The following DRAXIN variants were observed in gnomAD, a reference collection of about 807,000 sequenced individuals.
DRAXIN encodes dorsal repulsive axon guidance protein.
In DRAXIN, 27 loss-of-function variants were observed where a neutral mutation model predicts 33.9. The observed-to-expected ratio is 0.80, with a 90% CI of 0.59 to 1.10. DRAXIN has a LOEUF of 1.10. Ranked by LOEUF, DRAXIN falls within the 50% of genes least tolerant of loss-of-function variation. The pLI is 0.00. For synonymous variants in DRAXIN, 178 were observed against 194.0 expected (o/e 0.92, Z 0.69); for missense variants, 371 against 460.8 (o/e 0.81, Z 1.78).
intron 5 of DRAXIN, among the ~76,000 whole-genome samples, chr1:11,714,334 A>T (rs931598617): frequency 6.6e-6 from 1 of 152,262 alleles, no homozygotes; most frequent in Non-Finnish European, 1.5e-5. Flanking sequence ...TGGGCGCTCC[A>T]GTACAGAGGT....
chr1:11,717,661 C>A (rs78836930), intron 6 of DRAXIN, among the ~76,000 whole-genome samples: 47 of 124,122 alleles, frequency 3.8e-4, no homozygotes, highest in African/African-American at 6.8e-4. Flanking sequence ...GACTCCGTCT[C>A]AAAAAAAAAA....
Position 11,706,823 on chromosome 1 carries a change from G to T in DRAXIN, c.451+114G>T. 1 of 1,243,314 alleles carries T rather than the reference G, an allele frequency of 8.0e-7. No homozygotes were observed. Among genetic ancestry groups the T allele is most frequent in the Non-Finnish European group, 1.1e-6 (1 of 927,132 alleles). The allele number at this position is 1,243,314 out of a possible 1,614,324, so 77.0% of individuals were successfully genotyped here. ...GCATGAGGTCCAGAGGAGAGGAGGG[G>T]TCTCACTGAAGCCAGAGGGACCTGG... On this transcript the variant is annotated intron_variant, in intron 2 of 6. Transcript: ENST00000294485. This position sits in a 1 kb window ranked among gnomAD's most constrained non-coding sequence, Gnocchi z 5.5.
intron 5 of DRAXIN, among the ~76,000 whole-genome samples, chr1:11,713,968 G>T (rs1489863089): frequency 2.0e-5 from 3 of 152,126 alleles, no homozygotes; most frequent in Non-Finnish European, 4.4e-5. Flanking sequence ...GGAGGTGGAG[G>T]TTGCAGTGAC....
In DRAXIN at chr1:11,704,425, G is replaced by C. The variant is rs371996605; in HGVS notation, c.-10-1824G>C. Among the ~76,000 whole-genome samples, 4 of 152,128 alleles carry C rather than the reference G, an allele frequency of 2.6e-5. No individual in the cohort carries two copies. The highest frequency in any genetic ancestry group is 2.6e-4 in the Admixed American group (4 of 15,262). On this transcript the variant is annotated intron_variant, in intron 1 of 6. Transcript: ENST00000294485. The surrounding 1 kb of genome is among the most constrained non-coding windows in gnomAD (Gnocchi z 4.6). The stretch of plus-strand genomic sequence containing the variant: ...GAAGCAGGATTGAGGTTCCCTCTGC[G>C]CCGAACAATGCTTGAGTGACAGGCC...
chr1:11,702,198 A>C (rs1314133650), intron 1 of DRAXIN, among the ~76,000 whole-genome samples: 1 of 150,700 alleles, frequency 6.6e-6, no homozygotes, highest in African/African-American at 2.4e-5. Flanking sequence ...ACACATACAC[A>C]CATGCTCACA....
In DRAXIN at chr1:11,719,778, G is replaced by C; in HGVS notation, c.*82G>C. 8.0e-7 allele frequency: 1 copy of C among 1,247,844 alleles called. No homozygotes were observed. The highest frequency in any genetic ancestry group is 1.2e-6 in the Non-Finnish European group (1 of 869,016). 77.3% of individuals were successfully genotyped at this position (1,247,844 alleles called of 1,614,324 possible). ...TTTGTAACTAGCAGTGGGAGATCAA[G>C]TTGGGGAACAGATGGCTGAGGCTGC... On this transcript the variant is annotated 3_prime_UTR_variant, in exon 7 of 7. Transcript: ENST00000294485.
chr1:11,719,198 C>T (rs1201832540), intron 6 of DRAXIN, among the ~76,000 whole-genome samples: 1 of 152,182 alleles, frequency 6.6e-6, no homozygotes, highest in Non-Finnish European at 1.5e-5. Context: ...GCCACCGTGC[C>T]CGGCCTCTCT....
chr1:11,711,846 T>G lies in DRAXIN; in HGVS notation c.643-5T>G. On this transcript the variant is annotated splice_region_variant and splice_polypyrimidine_tract_variant and intron_variant, in intron 3 of 6. Transcript: ENST00000294485. ...TCCAACATCCCCCTTCTCCACGGTCTCCAGCAGGCACAGCCCAGGTCTGAC... is the reference window on the plus strand; with the variant it reads ...TCCAACATCCCCCTTCTCCACGGTCGCCAGCAGGCACAGCCCAGGTCTGAC... 2 of 1,611,160 alleles carry G rather than the reference T, an allele frequency of 1.2e-6. No individual in the cohort carries two copies. The highest frequency in any genetic ancestry group is 1.7e-6 in the Non-Finnish European group (2 of 1,178,538).
intron 1 of DRAXIN, among the ~76,000 whole-genome samples, chr1:11,699,898 G>A (rs1462997606): frequency 6.6e-6 from 1 of 151,670 alleles, no homozygotes; most frequent in Non-Finnish European, 1.5e-5. Context: ...CTGCACTCCA[G>A]CCCGGGTGAC....
At position 11,696,352 on chromosome 1, in the gene DRAXIN, CAG is replaced by C. The variant is rs1415982063; in HGVS notation, c.-11+4502_-11+4503del. On this transcript the variant is annotated intron_variant, in intron 1 of 6. Transcript: ENST00000294485. The surrounding 1 kb of genome is among the most constrained non-coding windows in gnomAD (Gnocchi z 4.7). Reference sequence around the variant, plus strand: ...CCTGTAATCCCAGCACTTTGGGAGACAGAGGCAGGCGGATCATGAGGTCAGGA... The same window carrying C: ...CCTGTAATCCCAGCACTTTGGGAGACAGGCAGGCGGATCATGAGGTCAGGA... 6.6e-6 allele frequency among the ~76,000 whole-genome samples: 1 copy of C among 152,214 alleles called. No individual in the cohort carries two copies. The highest frequency in any genetic ancestry group is 1.5e-5 in the Non-Finnish European group (1 of 68,034).
At chr1:11,697,156 CCTT>C (rs1172593640) in intron 1 of DRAXIN, among the ~76,000 whole-genome samples, 2 of 152,182 alleles carry the variant, frequency 1.3e-5, no homozygotes, top group Non-Finnish European at 2.9e-5. Flanking sequence ...TTGTCTAGCT[CCTT>C]CTGCTTTGCT....
intron 2 of DRAXIN, among the ~76,000 whole-genome samples, chr1:11,707,322 C>T (rs1376388723): frequency 2.0e-5 from 3 of 152,232 alleles, no homozygotes; most frequent in African/African-American, 7.2e-5. Context: ...AACAGTTCAG[C>T]GCCCTCCAAG....
In DRAXIN at chr1:11,706,034, C is replaced by T. The variant is rs1168818983; in HGVS notation, c.-10-215C>T. Among the ~76,000 whole-genome samples the T allele has an allele frequency of 6.6e-6, 1 of 152,114 alleles. No individual in the cohort carries two copies. The highest frequency in any genetic ancestry group is 1.5e-5 in the Non-Finnish European group (1 of 68,014). ...TTTCGGGGGCTGTCCTGTGCATTGTCGGGCGTTTAGCAGCATCCACGGGCT... is the reference window on the plus strand; with the variant it reads ...TTTCGGGGGCTGTCCTGTGCATTGTTGGGCGTTTAGCAGCATCCACGGGCT... On this transcript the variant is annotated intron_variant, in intron 1 of 6. Transcript: ENST00000294485. The surrounding 1 kb of genome is among the most constrained non-coding windows in gnomAD (Gnocchi z 5.5).
At chr1:11,695,737 T>A (rs995898745) in intron 1 of DRAXIN, among the ~76,000 whole-genome samples, 8 of 151,964 alleles carry the variant, frequency 5.3e-5, no homozygotes, top group African/African-American at 1.9e-4. Flanking sequence ...GGTACCAAGA[T>A]AATGAAGTTT....
At chr1:11,697,965 A>T (rs1026640791) in intron 1 of DRAXIN, among the ~76,000 whole-genome samples, 7 of 152,108 alleles carry the variant, frequency 4.6e-5, no homozygotes, top group Admixed American at 4.6e-4. Context: ...ATGCCAGTGA[A>T]CACCCAGCAG....
At position 11,694,647 on chromosome 1, in the gene DRAXIN, C is replaced by CT. The variant is rs1219677404; in HGVS notation, c.-11+2795dup. Among the ~76,000 whole-genome samples, 3 of 151,854 alleles carry CT rather than the reference C, an allele frequency of 2.0e-5. No homozygotes were observed. In the South Asian group the frequency reaches 6.2e-4, roughly 32 times the overall value. ...TTCCCTCAGAGGCATGAGCATGTTC[C>CT]TGGGGGGCAGGTCATAGGAGCACCC... On this transcript the variant is annotated intron_variant, in intron 1 of 6. Transcript: ENST00000294485. The surrounding 1 kb of genome is among the most constrained non-coding windows in gnomAD (Gnocchi z 4.9).
At chr1:11,707,971 G>A (rs1470703114) in intron 2 of DRAXIN, among the ~76,000 whole-genome samples, 1 of 152,234 alleles carries the variant, frequency 6.6e-6, no homozygotes, top group African/African-American at 2.4e-5. Flanking sequence ...TCTTTGGCAG[G>A]AAGGCAATGG....
At chr1:11,711,057 C>T (rs951394541) in intron 3 of DRAXIN, among the ~76,000 whole-genome samples, 9 of 152,066 alleles carry the variant, frequency 5.9e-5, no homozygotes, top group African/African-American at 2.2e-4. Flanking sequence ...TTTGGGAGAC[C>T]GATGCGAATA....
rs146482095 is a variant in DRAXIN, at chr1:11,709,694, C to G, written c.642+229C>G. 7.3e-3 allele frequency among the ~76,000 whole-genome samples: 1,117 copies of G among 152,324 alleles called. 15 individuals are homozygous for G. The highest frequency in any genetic ancestry group is 0.026 in the African/African-American group (1,070 of 41,570). On this transcript the variant is annotated intron_variant, in intron 3 of 6. Transcript: ENST00000294485. ...CCAGGGCAAAGTGCTCCTGGGGGCC[C>G]ACTCTGGGGACAGCCAAGGAGGCAA...
Sources: gnomAD v4.1 joint callset for allele counts (sites outside exome capture counted in the v4.1 genomes callset) on GRCh38, gnomAD v4.1.1 for gene constraint, Gnocchi (gnomAD v3.1) non-coding constraint, MANE v1.5 for transcripts, NCBI Gene and HGNC (gene_info 2026-07-23, HGNC 2026-07-21) for gene names.